TNIK: variants seen among roughly 807,000 people sequenced by gnomAD.
The protein encoded by TNIK is TRAF2 and NCK-interacting protein kinase.
Under a neutral mutation model 191.3 loss-of-function variants are expected in TNIK, and 49 were observed. That is an observed-to-expected ratio of 0.26 (90% confidence interval 0.20 to 0.32). TNIK has a LOEUF of 0.32. Ranked by LOEUF, TNIK falls within the 10% of genes least tolerant of loss-of-function variation. The probability of loss-of-function intolerance (pLI) is 1.00; values close to 1 mark genes in which losing one functional copy is unlikely to be tolerated. For synonymous variants in TNIK, 594 were observed against 600.9 expected, an observed-to-expected ratio of 0.99 and a Z score of 0.17; for missense variants, 1,155 against 1,702.3, an observed-to-expected ratio of 0.68 and a Z score of 5.66.
intron 15 of TNIK, among the ~76,000 whole-genome samples, chr3:171,129,236 A>C (rs1301180795): frequency 6.6e-6 from 1 of 152,212 alleles, no homozygotes; most frequent in Non-Finnish European, 1.5e-5. Flanking sequence ...CACTCTAGAC[A>C]ATCAAAGGGA....
intron 3 of TNIK, among the ~76,000 whole-genome samples, chr3:171,225,187 T>C (rs1433278832): frequency 6.6e-6 from 1 of 152,154 alleles, no homozygotes; most frequent in East Asian, 1.9e-4. Flanking sequence ...CATTCTGTAA[T>C]ACACAATAGA....
intron 12 of TNIK, among the ~76,000 whole-genome samples, chr3:171,142,250 T>C (rs1361010404): frequency 6.6e-6 from 1 of 152,182 alleles, no homozygotes; most frequent in African/African-American, 2.4e-5. Flanking sequence ...GGCCTCCCCA[T>C]CATCCATGAA....
Position 171,308,735 on chromosome 3 carries a change from T to G in TNIK, c.123+60885A>C, listed in dbSNP as rs1186605509. Among the ~76,000 whole-genome samples, 2 of 152,030 alleles carry G rather than the reference T, an allele frequency of 1.3e-5. 1 individual carries two copies. The highest frequency in any genetic ancestry group is 4.8e-5 in the African/African-American group (2 of 41,392). On this transcript the variant is annotated intron_variant, in intron 2 of 32. Coordinates refer to ENST00000436636, the MANE Select transcript of TNIK (RefSeq NM_015028.4). ...AAAAACAAACACCACCACTTAAAAG[T>G]GGGCAAAGGACATGAACACTTTTCA... is the stretch of plus-strand genomic sequence containing the variant.
chr3:171,441,914 A>G (rs1247671303), intron 1 of TNIK, among the ~76,000 whole-genome samples: 1 of 152,222 alleles, frequency 6.6e-6, no homozygotes, highest in Non-Finnish European at 1.5e-5. Flanking sequence ...CTCACAACTT[A>G]TGCACATTCC....
chr3:171,125,779 A>G, intron 17 of TNIK, 133 bp downstream of exon 17: 13 of 1,357,008 alleles, frequency 9.6e-6, no homozygotes, highest in Non-Finnish European at 1.3e-5. Context: ...ATGAAGAGGG[A>G]CCAAAACAAA....
chr3:171,199,096 T>TCTA (rs1333622160), intron 4 of TNIK, among the ~76,000 whole-genome samples: 2 of 152,156 alleles, frequency 1.3e-5, no homozygotes, highest in African/African-American at 4.8e-5. Flanking sequence ...CAGGCACTAC[T>TCTA]GTCAGTGATT....
intron 17 of TNIK, 28 bp from the exon 18 acceptor site, chr3:171,123,730 TTTCCATAAAGTAGC>T: frequency 6.5e-7 from 1 of 1,537,098 alleles, no homozygotes; most frequent in Non-Finnish European, 8.8e-7. Context: ...TCAGAAATAT[TTTCCATAAAGTAGC>T]TTCCATAGCC....
At chr3:171,114,265 A>G (rs904351409) in intron 18 of TNIK, among the ~76,000 whole-genome samples, 5 of 152,176 alleles carry the variant, frequency 3.3e-5, no homozygotes, top group Non-Finnish European at 7.3e-5. Context: ...TCATACAGCT[A>G]TGATTTTAAT....
chr3:171,370,521 T>C (rs1027267657), intron 1 of TNIK, among the ~76,000 whole-genome samples: 1 of 152,216 alleles, frequency 6.6e-6, no homozygotes, highest in African/African-American at 2.4e-5. Flanking sequence ...CTTTCACCCC[T>C]TACTGATTCC....
intron 2 of TNIK, among the ~76,000 whole-genome samples, chr3:171,262,433 T>C (rs1056308706): frequency 6.6e-6 from 1 of 152,062 alleles, no homozygotes; most frequent in Non-Finnish European, 1.5e-5. Flanking sequence ...CCAGAGTCCA[T>C]AAATCAAACA....
At position 171,085,174 on chromosome 3, in the gene TNIK, A is replaced by G; in HGVS notation, c.2942T>C (p.Val981Ala). Residue 981 changes from valine (V) to alanine (A), a missense_variant, in exon 25 of 33, where the codon GTA becomes GCA. Transcript: ENST00000436636. ...TTCATCAGTGGGAGACGTCTGGTAT[A>G]CTCTGGGGTCCACAAAGGGGGTGAA... ...ASFTPFVDPRVYQTSPTDEDE... is the reference protein window; with the variant it reads ...ASFTPFVDPRAYQTSPTDEDE... The G allele has an allele frequency of 6.2e-7, 1 of 1,612,002 alleles. No individual in the cohort carries two copies. Among genetic ancestry groups the G allele is most frequent in the Non-Finnish European group, 8.5e-7 (1 of 1,179,112 alleles).
intron 12 of TNIK, among the ~76,000 whole-genome samples, chr3:171,144,279 G>A (rs1229399123): frequency 6.6e-6 from 1 of 152,138 alleles, no homozygotes; most frequent in Non-Finnish European, 1.5e-5. Context: ...AGAACCTACT[G>A]TTAAAGTTTT....
At chr3:171,406,143 T>C (rs1721638788) in intron 1 of TNIK, among the ~76,000 whole-genome samples, 1 of 140,368 alleles carries the variant, frequency 7.1e-6, no homozygotes, top group African/African-American at 2.8e-5. Flanking sequence ...TATCTAATGA[T>C]CAAAGAAGAG....
chr3:171,332,631 A>G (rs1449084340), intron 2 of TNIK, among the ~76,000 whole-genome samples: 1 of 152,212 alleles, frequency 6.6e-6, no homozygotes, highest in Non-Finnish European at 1.5e-5. Flanking sequence ...AACTGTCTCC[A>G]GGTAATCCTT....
intron 3 of TNIK, among the ~76,000 whole-genome samples, chr3:171,217,951 T>C (rs1490281689): frequency 6.6e-6 from 1 of 152,170 alleles, no homozygotes; most frequent in East Asian, 1.9e-4. Context: ...TGGTCTACTT[T>C]GGAGGCTTTT....
intron 2 of TNIK, among the ~76,000 whole-genome samples, chr3:171,278,323 G>A (rs1436433786): frequency 2.6e-5 from 4 of 152,110 alleles, no homozygotes; most frequent in Non-Finnish European, 4.4e-5. Context: ...CCAAAAAAGA[G>A]CAGCCTTTAC....
chr3:171,202,930 G>A (rs892602505), intron 4 of TNIK, among the ~76,000 whole-genome samples: 4 of 152,186 alleles, frequency 2.6e-5, no homozygotes, highest in African/African-American at 9.7e-5. Context: ...GACAAGTGAC[G>A]TAGGCTCTGT....
At chr3:171,252,304 A>G (rs1046811509) in intron 2 of TNIK, among the ~76,000 whole-genome samples, 2 of 152,212 alleles carry the variant, frequency 1.3e-5, no homozygotes, top group Non-Finnish European at 2.9e-5. Flanking sequence ...TTAACTATAG[A>G]TAAGTGTTCC....
intron 1 of TNIK, among the ~76,000 whole-genome samples, chr3:171,441,689 G>C (rs1243491707): frequency 6.6e-6 from 1 of 152,206 alleles, no homozygotes; most frequent in African/African-American, 2.4e-5. Flanking sequence ...GGACTTGCTA[G>C]GTCGTGTAGT....
Sources: allele counts gnomAD v4.1 joint callset (sites outside exome capture counted in the v4.1 genomes callset), GRCh38; gene constraint gnomAD v4.1.1; transcripts MANE v1.5; gene names NCBI Gene and HGNC (gene_info 2026-07-23, HGNC 2026-07-21).